The following AFDN variants were observed in gnomAD, a reference collection of about 807,000 sequenced individuals.
AFDN encodes afadin.
A neutral mutation model predicts 216.6 loss-of-function variants in AFDN; 68 were observed. The observed-to-expected ratio is 0.31, with a 90% CI of 0.26 to 0.38. The LOEUF is 0.38. AFDN is among the 10% of genes least tolerant of loss of function. The probability of loss-of-function intolerance (pLI) is 1.00; values close to 1 mark genes in which losing one functional copy is unlikely to be tolerated. For synonymous variants in AFDN, 868 were observed against 853.7 expected, an observed-to-expected ratio of 1.02 and a Z score of -0.29; for missense variants, 2,136 against 2,342.0, an observed-to-expected ratio of 0.91 and a Z score of 1.82.
intron 1 of AFDN, among the ~76,000 whole-genome samples, chr6:167,830,050 A>G (rs981455578): frequency 6.6e-6 from 1 of 152,234 alleles, no homozygotes; most frequent in African/African-American, 2.4e-5. Context: ...TTTTATAACC[A>G]GGAGATTGAT....
intron 12 of AFDN, among the ~76,000 whole-genome samples, chr6:167,904,523 C>G (rs907411074): frequency 1.2e-4 from 18 of 152,076 alleles, no homozygotes; most frequent in African/African-American, 4.3e-4. Context: ...ATTCATATCT[C>G]TAAAGGTTTA....
chr6:167,964,682 G>A (rs1235716955), intron 31 of AFDN: 11 of 1,061,432 alleles, frequency 1.0e-5, no homozygotes, highest in Non-Finnish European at 1.3e-5. Flanking sequence ...GGAGTAGGGA[G>A]AAAATACAGG....
At position 167,891,593 on chromosome 6, in the gene AFDN, T is replaced by G. The variant is rs577137451; in HGVS notation, c.1177+564T>G. Among the ~76,000 whole-genome samples, 4 of 152,220 alleles carry G rather than the reference T, an allele frequency of 2.6e-5. No individual in the cohort carries two copies. The South Asian group carries it at 6.2e-4, about 24-fold the overall frequency. ...ATTTTCACATGAGTCCTCTAAGTGT[T>G]TTTTTTGTAGAACTCTTAATACACT... On this transcript the variant is annotated intron_variant, in intron 8 of 33. Coordinates refer to ENST00000683244, the MANE Select transcript of AFDN (RefSeq NM_001386888.1).
At chr6:167,829,281 G>T (rs1362693274) in intron 1 of AFDN, among the ~76,000 whole-genome samples, 1 of 151,888 alleles carries the variant, frequency 6.6e-6, no homozygotes, top group Non-Finnish European at 1.5e-5. Context: ...TTGTTTTCTC[G>T]AGAACTTTCC....
intron 13 of AFDN, among the ~76,000 whole-genome samples, chr6:167,908,201 C>T (rs1430974578): frequency 6.6e-6 from 1 of 152,208 alleles, no homozygotes. Flanking sequence ...GGCGACTTGC[C>T]CAGGGTCACC....
chr6:167,857,875 C>G (rs1226957281), intron 1 of AFDN, among the ~76,000 whole-genome samples: 1 of 152,040 alleles, frequency 6.6e-6, no homozygotes, highest in Admixed American at 6.5e-5. Flanking sequence ...CAGTTATACC[C>G]CTAGACTAGA....
At chr6:167,881,592 T>C (rs1786115721) in intron 6 of AFDN, among the ~76,000 whole-genome samples, 1 of 152,066 alleles carries the variant, frequency 6.6e-6, no homozygotes. Context: ...GTGTTGAAAG[T>C]TGGGCTGAAA....
chr6:167,956,142 T>TAAAAAAAAA (rs1796496533), intron 30 of AFDN, among the ~76,000 whole-genome samples: 1 of 99,116 alleles, frequency 1.0e-5, no homozygotes, highest in African/African-American at 3.5e-5. Flanking sequence ...AAAAAAAAAC[T>TAAAAAAAAA]ATAGAATTCT....
intron 23 of AFDN, 116 bp downstream of exon 23, chr6:167,925,207 A>G: frequency 1.4e-6 from 1 of 730,666 alleles, no homozygotes; most frequent in Non-Finnish European, 2.4e-6. Context: ...GTGCCTGTTC[A>G]GTTCTGTTTC....
intron 30 of AFDN, among the ~76,000 whole-genome samples, chr6:167,960,035 C>T (rs976114583): frequency 3.3e-5 from 5 of 152,146 alleles, no homozygotes; most frequent in African/African-American, 1.2e-4. Flanking sequence ...GTTAAAATAT[C>T]CTTTAAGTGT....
In AFDN at chr6:167,902,859, C is replaced by A. The variant is rs149840086; in HGVS notation, c.1650+473C>A. Among the ~76,000 whole-genome samples the A allele has an allele frequency of 7.7e-4, 117 of 152,254 alleles. No homozygotes were observed. In the Middle Eastern group the frequency reaches 0.01, roughly 13 times the overall value. ...AAACATCTTTGTAAAAACAGACTTC[C>A]CAGTGGCCCCAAATGTGGGTTGTCC... On this transcript the variant is annotated intron_variant, in intron 12 of 33. Transcript: ENST00000683244.
At chr6:167,930,102 G>C (rs1583449876) in intron 23 of AFDN, among the ~76,000 whole-genome samples, 1 of 152,116 alleles carries the variant, frequency 6.6e-6, no homozygotes, top group Non-Finnish European at 1.5e-5. Flanking sequence ...TTACACTGGC[G>C]GCTGAGGCAG....
rs774294321 is a variant in AFDN at position 167,969,895 on chromosome 6, G to A, written c.5456G>A (p.Arg1819His). The part of the protein sequence containing the change: ...QDVSNKVKAS[R>H]KLTELENELN... ...GTATCCAATAAAGTGAAAGCTTCTC[G>A]TAAATTAACAGAACTGGAGAATGAA... The change falls in exon 34 of 34, where the codon CGT (arginine) becomes CAT (histidine). Residue 1819 changes from arginine (R) to histidine (H), a missense_variant. Coordinates refer to ENST00000683244, the MANE Select transcript of AFDN (RefSeq NM_001386888.1). 39 of 1,611,844 alleles carry A rather than the reference G, an allele frequency of 2.4e-5. 1 individual carries two copies. In the South Asian group the frequency reaches 2.9e-4, roughly 12 times the overall value.
chr6:167,924,701 C>CTAGAA (rs71674500), intron 22 of AFDN, among the ~76,000 whole-genome samples: 11,644 of 152,144 alleles, frequency 0.077, 582 homozygotes, highest in East Asian at 0.26. Flanking sequence ...TACGATCAGG[C>CTAGAA]TTTCTACCTG....
Position 167,907,195 on chromosome 6 carries a change from A to G in AFDN, c.1675A>G (p.Arg559Gly). The change falls in exon 13 of 34, where the codon AGA (arginine) becomes GGA (glycine). Residue 559 changes from arginine to glycine, a missense_variant. This residue lies in a region of AFDN where 817 missense variants were observed against 965.7 expected (regional missense o/e 0.85). Transcript: ENST00000683244. ...SKSTTRLDSD[R>G]VSSASSTAER... is the part of the protein sequence containing the mutation. Reference sequence around the variant, plus strand: ...GAGCACCACTAGGCTGGACAGCGACAGAGTGTCGTCTGCCTCTAGCACAGC... The same window carrying G: ...GAGCACCACTAGGCTGGACAGCGACGGAGTGTCGTCTGCCTCTAGCACAGC... 6.2e-7 allele frequency: 1 copy of G among 1,614,176 alleles called. No homozygotes were observed. The highest frequency in any genetic ancestry group is 8.5e-7 in the Non-Finnish European group (1 of 1,179,996).
rs573133810 is a variant in AFDN, at chr6:167,943,562, A to G, written c.3239+87A>G. 127 of 1,078,574 alleles carry G rather than the reference A, an allele frequency of 1.2e-4. 1 individual carries two copies. Among genetic ancestry groups the G allele is most frequent in the Non-Finnish European group, 1.6e-4 (114 of 693,162 alleles). 66.8% of individuals were successfully genotyped at this position (1,078,574 alleles called of 1,614,324 possible). The stretch of plus-strand genomic sequence containing the variant: ...ATGTTGAAATTGGAAGATAAAAACT[A>G]TGCTAAAACGTGCTCATATTACTCT... On this transcript the variant is annotated intron_variant, in intron 25 of 33. Transcript: ENST00000683244.
At chr6:167,837,923 T>C (rs982292431) in intron 1 of AFDN, among the ~76,000 whole-genome samples, 2 of 152,240 alleles carry the variant, frequency 1.3e-5, no homozygotes, top group African/African-American at 2.4e-5. Flanking sequence ...ACAGGCATAA[T>C]GTAATAAAAC....
chr6:167,914,095 C>A, intron 16 of AFDN, 73 bp from the exon 17 acceptor site: 1 of 1,538,908 alleles, frequency 6.5e-7, no homozygotes, highest in South Asian at 1.2e-5. Flanking sequence ...AGCAGCTTTT[C>A]AAGAGCATTC....
intron 1 of AFDN, among the ~76,000 whole-genome samples, chr6:167,839,552 C>T (rs1376484469): frequency 1.3e-5 from 2 of 152,110 alleles, no homozygotes; most frequent in Non-Finnish European, 2.9e-5. Flanking sequence ...AGGAAGTGAA[C>T]AATTACCTAA....
Sources: allele counts gnomAD v4.1 joint callset (sites outside exome capture counted in the v4.1 genomes callset), GRCh38; gene constraint gnomAD v4.1.1; regional missense constraint gnomAD v4.1.1; transcripts MANE v1.5; gene names NCBI Gene and HGNC (gene_info 2026-07-23, HGNC 2026-07-21).